GRID2: variants seen among roughly 807,000 people sequenced by gnomAD.
The protein encoded by GRID2 is glutamate ionotropic receptor delta type subunit 2.
GRID2 carries 33 observed loss-of-function variants against 114.8 expected under a neutral mutation model. The observed-to-expected ratio is 0.29, with a 90% CI of 0.22 to 0.38. GRID2 has a LOEUF of 0.38. Ranked by LOEUF, GRID2 falls within the 10% of genes least tolerant of loss-of-function variation. The probability of loss-of-function intolerance (pLI) is 1.00; values close to 1 mark genes in which losing one functional copy is unlikely to be tolerated. For missense variants in GRID2, 1,184 were observed against 1,257.7 expected, an observed-to-expected ratio of 0.94 and a Z score of 0.89; for synonymous variants, 505 against 449.9, an observed-to-expected ratio of 1.12 and a Z score of -1.55.
At chr4:93,317,530 C>T (rs988479712) in intron 8 of GRID2, among the ~76,000 whole-genome samples, 2 of 151,930 alleles carry the variant, frequency 1.3e-5, no homozygotes, top group African/African-American at 4.8e-5. Flanking sequence ...GAATTGTCTG[C>T]CACAATTCTA....
chr4:92,832,248 T>C (rs1742152948), intron 2 of GRID2, among the ~76,000 whole-genome samples: 1 of 151,960 alleles, frequency 6.6e-6, no homozygotes, highest in Non-Finnish European at 1.5e-5. Context: ...GAGACCAGCC[T>C]GGCCACCAAG....
chr4:92,938,819 G>C (rs913343195), intron 2 of GRID2, among the ~76,000 whole-genome samples: 1 of 144,996 alleles, frequency 6.9e-6, no homozygotes, highest in Non-Finnish European at 1.5e-5. Flanking sequence ...GCAGTGTTTG[G>C]TTTTTTGTCC....
chr4:93,453,419 G>A (rs1467779458), intron 10 of GRID2, among the ~76,000 whole-genome samples: 3 of 151,374 alleles, frequency 2.0e-5, no homozygotes, highest in Admixed American at 2.0e-4. Context: ...CCACAGGGAG[G>A]CTAGAAATTT....
At chr4:92,778,931 A>T (rs909321383) in intron 2 of GRID2, among the ~76,000 whole-genome samples, 1 of 152,090 alleles carries the variant, frequency 6.6e-6, no homozygotes, top group Non-Finnish European at 1.5e-5. Context: ...TGGTGAATTG[A>T]CAGGTTACCA....
At chr4:92,694,672 G>A (rs564943026) in intron 2 of GRID2, among the ~76,000 whole-genome samples, 6 of 152,214 alleles carry the variant, frequency 3.9e-5, no homozygotes, top group Admixed American at 3.3e-4. Flanking sequence ...GTAAACATAA[G>A]CACAAGTTGA....
chr4:93,208,037 C>T lies in GRID2; in HGVS notation c.789+580C>T, dbSNP rs561311282. Among the ~76,000 whole-genome samples, 4 of 151,858 alleles carry T rather than the reference C, an allele frequency of 2.6e-5. No homozygotes were observed. In the South Asian group the frequency reaches 6.2e-4, roughly 24 times the overall value. On this transcript the variant is annotated intron_variant, in intron 5 of 15. Coordinates refer to ENST00000282020, the MANE Select transcript of GRID2 (RefSeq NM_001510.4). ...AAAAGCCCTGGGAAATAAGTTGTTCCATTAGGACCTGCCAGTCAGAAATGG... is the reference window on the plus strand; with the variant it reads ...AAAAGCCCTGGGAAATAAGTTGTTCTATTAGGACCTGCCAGTCAGAAATGG...
chr4:93,289,051 C>T (rs558001867), intron 8 of GRID2, among the ~76,000 whole-genome samples: 1 of 152,186 alleles, frequency 6.6e-6, no homozygotes, highest in East Asian at 1.9e-4. Flanking sequence ...AATAAGAAAC[C>T]TTTTGGAAAA....
intron 2 of GRID2, among the ~76,000 whole-genome samples, chr4:92,848,762 T>C (rs545693047): frequency 6.6e-6 from 1 of 151,998 alleles, no homozygotes; most frequent in South Asian, 2.1e-4. Flanking sequence ...AGATTAAGTT[T>C]AAATGACACA....
chr4:92,761,696 T>C (rs1291457550), intron 2 of GRID2, among the ~76,000 whole-genome samples: 1 of 152,044 alleles, frequency 6.6e-6, no homozygotes, highest in East Asian at 1.9e-4. Flanking sequence ...GAAAGGCTTA[T>C]AAAATATGAA....
At chr4:93,133,214 ATTG>A (rs1226072656) in intron 4 of GRID2, among the ~76,000 whole-genome samples, 1 of 151,658 alleles carries the variant, frequency 6.6e-6, no homozygotes, top group Admixed American at 6.6e-5. Context: ...TCTGAGCTTT[ATTG>A]TTTTGTTTGA....
chr4:92,970,394 A>C (rs1333553597), intron 2 of GRID2, among the ~76,000 whole-genome samples: 1 of 152,012 alleles, frequency 6.6e-6, no homozygotes, highest in Admixed American at 6.6e-5. Context: ...TAATTTATAT[A>C]GAATATATTA....
At chr4:92,613,032 G>A (rs1477146015) in intron 2 of GRID2, among the ~76,000 whole-genome samples, 2 of 151,264 alleles carry the variant, frequency 1.3e-5, no homozygotes, top group Admixed American at 1.3e-4. Flanking sequence ...TAGCCATTGA[G>A]CTTTAAATAT....
chr4:92,730,766 T>G (rs1331344209), intron 2 of GRID2, among the ~76,000 whole-genome samples: 2 of 151,910 alleles, frequency 1.3e-5, no homozygotes, highest in Non-Finnish European at 2.9e-5. Flanking sequence ...AGATAAGCCT[T>G]GGTTTTGGCT....
chr4:93,665,654 C>G (rs187120896), intron 14 of GRID2, among the ~76,000 whole-genome samples: 2,558 of 152,230 alleles, frequency 0.017, 78 homozygotes, highest in African/African-American at 0.059. Context: ...GCTCTAAATG[C>G]TATAAGTTGA....
At chr4:93,562,943 G>A (rs900137662) in intron 13 of GRID2, among the ~76,000 whole-genome samples, 2 of 151,894 alleles carry the variant, frequency 1.3e-5, no homozygotes, top group Non-Finnish European at 2.9e-5. Context: ...TAGCTTTATG[G>A]TAAGTCTTAA....
At chr4:93,280,392 T>G (rs1285586048) in intron 8 of GRID2, among the ~76,000 whole-genome samples, 1 of 152,084 alleles carries the variant, frequency 6.6e-6, no homozygotes, top group Non-Finnish European at 1.5e-5. Flanking sequence ...ACTTTCTATG[T>G]TACTTTCTGC....
intron 1 of GRID2, among the ~76,000 whole-genome samples, chr4:93,789,330 T>C (rs1734651797): frequency 6.6e-6 from 1 of 152,228 alleles, no homozygotes. Flanking sequence ...TGTCTAAAAA[T>C]ACTTAGAAAT....
At chr4:92,335,903 A>C (rs1224655309) in intron 1 of GRID2, among the ~76,000 whole-genome samples, 1 of 152,222 alleles carries the variant, frequency 6.6e-6, no homozygotes, top group Non-Finnish European at 1.5e-5. Context: ...GTGGTGGTCC[A>C]TGGAAGGAAA....
chr4:93,012,264 G>T (rs756422917), intron 2 of GRID2, among the ~76,000 whole-genome samples: 4 of 151,802 alleles, frequency 2.6e-5, no homozygotes, highest in Non-Finnish European at 5.9e-5. Flanking sequence ...CCCTCTCTTC[G>T]TTTTGTCTCT....
Sources: gnomAD v4.1 joint callset for allele counts (sites outside exome capture counted in the v4.1 genomes callset) on GRCh38, gnomAD v4.1.1 for gene constraint, MANE v1.5 for transcripts, NCBI Gene and HGNC (gene_info 2026-07-23, HGNC 2026-07-21) for gene names.